The following USP16 variants were observed in gnomAD, a reference collection of about 807,000 sequenced individuals.
USP16 encodes ubiquitin specific peptidase 16, also known as ubiquitin carboxyl-terminal hydrolase 16.
A neutral mutation model predicts 95.9 loss-of-function variants in USP16; 77 were observed. The observed-to-expected ratio is 0.80, with a 90% CI of 0.67 to 0.97. USP16 has a LOEUF of 0.97. Ranked by LOEUF, USP16 falls within the 50% of genes least tolerant of loss-of-function variation. The pLI, the probability that USP16 is intolerant of heterozygous loss-of-function variation, is 0.00. For missense variants in USP16, 943 were observed against 959.9 expected, an observed-to-expected ratio of 0.98 and a Z score of 0.23; for synonymous variants, 303 against 318.2, an observed-to-expected ratio of 0.95 and a Z score of 0.51.
chr21:29,030,774 G>A lies in USP16; in HGVS notation c.240+1G>A. The A allele has an allele frequency of 6.3e-7, 1 of 1,593,554 alleles. No homozygotes were observed. Among genetic ancestry groups the A allele is most frequent in the Non-Finnish European group, 8.5e-7 (1 of 1,173,838 alleles). The stretch of plus-strand genomic sequence containing the variant: ...GCTGTGTCTTAAATGTGGCCATCAG[G>A]TATGCTTACGTTTTAAGATCAATAT... On this transcript the variant is annotated splice_donor_variant, in intron 3 of 17. Transcript: ENST00000399976. LOFTEE classifies it high-confidence loss of function.
At position 29,042,103 on chromosome 21, in the gene USP16, C is replaced by T. The variant is rs779223610; in HGVS notation, c.1121C>T (p.Thr374Ile). The change falls in exon 11 of 18, where the codon ACT becomes ATT. Residue 374 changes from threonine to isoleucine, a missense_variant and splice_region_variant. Coordinates refer to ENST00000399976, the MANE Select transcript of USP16 (RefSeq NM_006447.3). ...TSMIMCDQCR[T>I]VSLVHESFLD... is the part of the protein sequence containing the mutation. ...ATGATCATGTGTGATCAATGCAGAACTGTAAGTAGATGTCATGTATACTGG... is the reference window on the plus strand; with the variant it reads ...ATGATCATGTGTGATCAATGCAGAATTGTAAGTAGATGTCATGTATACTGG... 1 of 1,610,542 alleles carries T rather than the reference C, an allele frequency of 6.2e-7. No homozygotes were observed. Among genetic ancestry groups the T allele is most frequent in the Non-Finnish European group, 8.5e-7 (1 of 1,178,112 alleles).
intron 5 of USP16, among the ~76,000 whole-genome samples, chr21:29,036,747 C>A (rs1568887610): frequency 6.6e-6 from 1 of 152,192 alleles, no homozygotes; most frequent in Non-Finnish European, 1.5e-5. Flanking sequence ...TTCTAATGGT[C>A]AGATATTTCT....
intron 2 of USP16, among the ~76,000 whole-genome samples, chr21:29,030,328 T>G (rs1390418066): frequency 2.6e-5 from 4 of 152,180 alleles, no homozygotes; most frequent in Non-Finnish European, 5.9e-5. Context: ...AATAGCCAAA[T>G]AAATTGAAAT....
intron 14 of USP16, among the ~76,000 whole-genome samples, chr21:29,047,946 G>GTA (rs143207827): frequency 6.4e-4 from 96 of 149,146 alleles, no homozygotes; most frequent in African/African-American, 1.6e-3. Context: ...GTGTGTGTAT[G>GTA]TATATATATA....
At chr21:29,053,658 T>C in intron 16 of USP16, 144 bp from the exon 17 acceptor site, 1 of 742,756 alleles carries the variant, frequency 1.3e-6, no homozygotes, top group South Asian at 2.2e-5. Context: ...AGAAGAGGTA[T>C]GGAGAAAAGA....
At chr21:29,048,123 TC>T (rs982532157) in intron 14 of USP16, among the ~76,000 whole-genome samples, 1 of 149,462 alleles carries the variant, frequency 6.7e-6, no homozygotes, top group Non-Finnish European at 1.5e-5. Flanking sequence ...CTGCCCTTTC[TC>T]CCAGGCTAAA....
chr21:29,050,950 A>G (rs2085404480), intron 16 of USP16, among the ~76,000 whole-genome samples: 1 of 152,212 alleles, frequency 6.6e-6, no homozygotes, highest in Admixed American at 6.5e-5. Context: ...GTGAGTTTGG[A>G]GGCTGTTGTA....
intron 2 of USP16, among the ~76,000 whole-genome samples, chr21:29,028,401 A>G (rs1006565370): frequency 3.4e-5 from 5 of 148,276 alleles, no homozygotes; most frequent in Non-Finnish European, 5.9e-5. Context: ...TGCTAGGATT[A>G]CACGTGAGAG....
At chr21:29,027,375 C>A (rs1298501138) in intron 1 of USP16, among the ~76,000 whole-genome samples, 2 of 152,166 alleles carry the variant, frequency 1.3e-5, no homozygotes, top group African/African-American at 4.8e-5. Context: ...GCTTTGAAGC[C>A]ATTTTGGAAA....
chr21:29,024,788 G>C lies in USP16; in HGVS notation c.-42+11G>C, dbSNP rs2146350990. 4 of 1,276,294 alleles carry C rather than the reference G, an allele frequency of 3.1e-6. No homozygotes were observed. The highest frequency in any genetic ancestry group is 2.4e-5 in the Admixed American group (1 of 41,518). The allele number at this position is 1,276,294 out of a possible 1,614,324, so 79.1% of individuals were successfully genotyped here. The stretch of plus-strand genomic sequence containing the variant: ...GCTCTGTCGCCGTGGGTGAGTTCTG[G>C]TCCCACTGCCTGGCAGTCGTCGCTC... On this transcript the variant is annotated intron_variant, in intron 1 of 17. Coordinates refer to ENST00000399976, the MANE Select transcript of USP16 (RefSeq NM_006447.3).
chr21:29,042,160 T>C, intron 11 of USP16, 56 bp downstream of exon 11: 2 of 1,472,550 alleles, frequency 1.4e-6, no homozygotes, highest in Admixed American at 1.9e-5. Context: ...AGTTTATCAA[T>C]TGTTTATTTC....
At position 29,038,372 on chromosome 21, in the gene USP16, A is replaced by T. The variant is rs1191709806; in HGVS notation, c.674A>T (p.Lys225Ile). Residue 225 changes from lysine to isoleucine, a missense_variant, in exon 7 of 18, where the codon AAA (lysine) becomes ATA (isoleucine). Lys to Ile is a moderately radical substitution (Grantham distance 102). Coordinates refer to ENST00000399976, the MANE Select transcript of USP16 (RefSeq NM_006447.3). ...ACACCAGTGCTTAGAGAACTACTAA[A>T]AGAAGTGAAAATGTCTGGAACAATT... ...SQTPVLRELL[K>I]EVKMSGTIVK... 6.2e-7 allele frequency: 1 copy of T among 1,613,036 alleles called. No individual in the cohort carries two copies. Among genetic ancestry groups the T allele is most frequent in the Non-Finnish European group, 8.5e-7 (1 of 1,179,412 alleles).
At chr21:29,050,071 T>C (rs1378275976) in intron 15 of USP16, 21 bp from the exon 16 acceptor site, 12 of 1,595,798 alleles carry the variant, frequency 7.5e-6, no homozygotes, top group African/African-American at 1.3e-5. Flanking sequence ...AAGAAGTCAA[T>C]CTGTTATGCT....
Position 29,024,767 on chromosome 21 carries a change from T to C in USP16, c.-52T>C, listed in dbSNP as rs1486481973. ...CATGAGGGGATGCAGTTATGGGCTC[T>C]GTCGCCGTGGGTGAGTTCTGGTCCC... On this transcript the variant is annotated 5_prime_UTR_variant, in exon 1 of 18. Transcript: ENST00000399976. 1.6e-6 allele frequency: 2 copies of C among 1,288,244 alleles called. No individual in the cohort carries two copies. The highest frequency in any genetic ancestry group is 4.6e-5 in the Admixed American group (2 of 43,388). 79.8% of individuals were successfully genotyped at this position (1,288,244 alleles called of 1,614,324 possible).
In USP16 at chr21:29,054,374, G is replaced by T; in HGVS notation, c.*187G>T. The T allele has an allele frequency of 1.3e-6, 1 of 767,634 alleles. No homozygotes were observed. The highest frequency in any genetic ancestry group is 2.9e-5 in the East Asian group (1 of 34,464). The allele number at this position is 767,634 out of a possible 1,614,324, so 47.6% of individuals were successfully genotyped here. On this transcript the variant is annotated 3_prime_UTR_variant, in exon 18 of 18. Coordinates refer to ENST00000399976, the MANE Select transcript of USP16 (RefSeq NM_006447.3). ...TACAAAGGTTTTATATTGTCATAGT[G>T]GTTTTTATTCCTGCTTTGTTTCTGG...
At chr21:29,043,711 T>C in intron 13 of USP16, 112 bp downstream of exon 13, 1 of 992,730 alleles carries the variant, frequency 1.0e-6, no homozygotes, top group Non-Finnish European at 1.4e-6. Context: ...TACAGCACTT[T>C]CATTTGACAA....
At position 29,024,681 on chromosome 21, in the gene USP16, C is replaced by T. The variant is rs1015410137; in HGVS notation, c.-138C>T. 6.2e-5 allele frequency: 80 copies of T among 1,286,842 alleles called. No individual in the cohort carries two copies. The highest frequency in any genetic ancestry group is 7.4e-5 in the Non-Finnish European group (73 of 986,676). 79.7% of individuals were successfully genotyped at this position (1,286,842 alleles called of 1,614,324 possible). A position where few individuals can be genotyped will look rare whatever the true frequency, so the allele number is the denominator to read the frequency against. On this transcript the variant is annotated 5_prime_UTR_variant, in exon 1 of 18. Coordinates refer to ENST00000399976, the MANE Select transcript of USP16 (RefSeq NM_006447.3). ...TTTCCAGGGGTCACTCTGGCTTCGA[C>T]TCCGTCGCTCTCAATTCGTCACCAG...
chr21:29,042,205 T>C (rs1241503356), intron 11 of USP16, 101 bp downstream of exon 11: 3 of 1,091,256 alleles, frequency 2.7e-6, no homozygotes, highest in African/African-American at 1.6e-5. Context: ...AGGATATCTT[T>C]TTAAACTATT....
intron 16 of USP16, among the ~76,000 whole-genome samples, chr21:29,050,598 A>G (rs1051130376): frequency 6.6e-6 from 1 of 152,240 alleles, no homozygotes. Flanking sequence ...TAAAAGTATG[A>G]TGAATCAAGA....
Sources: allele counts gnomAD v4.1 joint callset (sites outside exome capture counted in the v4.1 genomes callset), GRCh38; gene constraint gnomAD v4.1.1; transcripts MANE v1.5; gene names NCBI Gene and HGNC (gene_info 2026-07-23, HGNC 2026-07-21).